The following C8orf34 variants were observed in gnomAD, a reference collection of about 807,000 sequenced individuals.
The protein encoded by C8orf34 is uncharacterized protein C8orf34.
Under a neutral mutation model 68.3 loss-of-function variants are expected in C8orf34, and 65 were observed. That is an observed-to-expected ratio of 0.95 (90% CI 0.78 to 1.17). The LOEUF is 1.17. C8orf34 is among the 50% of genes most tolerant of loss of function. The pLI is 0.00. For synonymous variants in C8orf34, 244 were observed against 241.2 expected (o/e 1.01, Z -0.11); for missense variants, 664 against 655.4 (o/e 1.01, Z -0.14).
chr8:68,673,670 G>T (rs553414157), intron 8 of C8orf34, among the ~76,000 whole-genome samples: 1 of 152,132 alleles, frequency 6.6e-6, no homozygotes, highest in Admixed American at 6.6e-5. Context: ...CTGGCTCCTA[G>T]AAAACATCTG....
intron 7 of C8orf34, among the ~76,000 whole-genome samples, chr8:68,630,179 T>C (rs1037049976): frequency 6.6e-6 from 1 of 152,016 alleles, no homozygotes; most frequent in Non-Finnish European, 1.5e-5. Flanking sequence ...AATTGAAATA[T>C]AATTGAAACA....
At chr8:68,403,671 G>A (rs1809058923) in intron 1 of C8orf34, among the ~76,000 whole-genome samples, 1 of 152,124 alleles carries the variant, frequency 6.6e-6, no homozygotes. Context: ...TGCTGAGAAT[G>A]ATGGTTTCCA....
At chr8:68,647,383 G>A (rs898388426) in intron 8 of C8orf34, among the ~76,000 whole-genome samples, 1 of 152,136 alleles carries the variant, frequency 6.6e-6, no homozygotes, top group Non-Finnish European at 1.5e-5. Flanking sequence ...TGAAAAGCGT[G>A]GAGTTTCTGT....
chr8:68,779,482 C>A (rs1340728384), intron 11 of C8orf34, among the ~76,000 whole-genome samples: 2 of 152,098 alleles, frequency 1.3e-5, no homozygotes, highest in Non-Finnish European at 2.9e-5. Context: ...GGCAGCTTCA[C>A]AATCTCTTAG....
At chr8:68,709,766 A>G (rs142679099) in intron 9 of C8orf34, among the ~76,000 whole-genome samples, 325 of 152,228 alleles carry the variant, frequency 2.1e-3, no homozygotes, top group African/African-American at 7.4e-3. Flanking sequence ...TTTCTATAGT[A>G]TAAAATGGAA....
intron 1 of C8orf34, among the ~76,000 whole-genome samples, chr8:68,382,194 G>A (rs940246578): frequency 7.2e-5 from 11 of 152,132 alleles, no homozygotes; most frequent in African/African-American, 2.7e-4. Flanking sequence ...GGATAAATAC[G>A]TAGATCTGAT....
chr8:68,769,288 A>C (rs1350835910), intron 10 of C8orf34, among the ~76,000 whole-genome samples: 1 of 151,280 alleles, frequency 6.6e-6, no homozygotes, highest in Admixed American at 6.6e-5. Flanking sequence ...CTAAAGAAAA[A>C]TCTCTTAATT....
intron 7 of C8orf34, among the ~76,000 whole-genome samples, chr8:68,594,398 G>A (rs557017089): frequency 1.3e-5 from 2 of 151,844 alleles, no homozygotes; most frequent in South Asian, 2.1e-4. Flanking sequence ...TTCCTCTTAC[G>A]ATGTTTTTCT....
chr8:68,637,041 A>T (rs1818867658), intron 7 of C8orf34, among the ~76,000 whole-genome samples: 1 of 152,222 alleles, frequency 6.6e-6, no homozygotes, highest in African/African-American at 2.4e-5. Context: ...TCAAGCTGAC[A>T]TGTAGACTTT....
intron 10 of C8orf34, among the ~76,000 whole-genome samples, chr8:68,738,442 CA>C (rs1554604594): frequency 6.6e-6 from 1 of 151,768 alleles, no homozygotes; most frequent in Non-Finnish European, 1.5e-5. Flanking sequence ...CAAGAAATAA[CA>C]AAAATCAGAG....
intron 7 of C8orf34, among the ~76,000 whole-genome samples, chr8:68,602,106 C>A (rs764715317): frequency 6.6e-6 from 1 of 152,112 alleles, no homozygotes; most frequent in African/African-American, 2.4e-5. Flanking sequence ...ACTTTAAAAG[C>A]CTTGTTGCCA....
At chr8:68,428,089 C>T (rs1189439824) in intron 1 of C8orf34, among the ~76,000 whole-genome samples, 1 of 150,848 alleles carries the variant, frequency 6.6e-6, no homozygotes, top group Non-Finnish European at 1.5e-5. Flanking sequence ...AAAAAGGAAA[C>T]AAAAGAAAAT....
chr8:68,652,210 AC>A (rs1378192708), intron 8 of C8orf34, among the ~76,000 whole-genome samples: 2 of 152,188 alleles, frequency 1.3e-5, no homozygotes, highest in African/African-American at 4.8e-5. Flanking sequence ...CCATGTTGAT[AC>A]CTTCTTTGGA....
intron 7 of C8orf34, among the ~76,000 whole-genome samples, chr8:68,575,956 GTTTTTTT>G: frequency 1.0e-5 from 1 of 96,348 alleles, no homozygotes; most frequent in Admixed American, 1.2e-4. Context: ...GTAGATGGTT[GTTTTTTT>G]TTTTTTTTTT....
chr8:68,530,477 G>T, intron 6 of C8orf34: 1 of 292,798 alleles, frequency 3.4e-6, no homozygotes, highest in Non-Finnish European at 6.9e-6. Flanking sequence ...AGCTTAACAT[G>T]TTAGATCTAT....
At chr8:68,490,802 G>T (rs1485259468) in intron 5 of C8orf34, among the ~76,000 whole-genome samples, 3 of 152,036 alleles carry the variant, frequency 2.0e-5, no homozygotes, top group East Asian at 1.9e-4. Context: ...ACCATTCTTT[G>T]CCTGTCTGGC....
intron 1 of C8orf34, among the ~76,000 whole-genome samples, chr8:68,386,577 C>G (rs1378906714): frequency 6.6e-6 from 1 of 152,156 alleles, no homozygotes; most frequent in African/African-American, 2.4e-5. Flanking sequence ...TCTTCTATAA[C>G]CTCCTAAGTG....
chr8:68,497,702 T>A (rs1813585960), intron 5 of C8orf34, among the ~76,000 whole-genome samples: 1 of 152,024 alleles, frequency 6.6e-6, no homozygotes, highest in Admixed American at 6.6e-5. Flanking sequence ...TCTCTATGGA[T>A]TAAGGAATGA....
chr8:68,686,184 T>C (rs770676386), intron 8 of C8orf34, among the ~76,000 whole-genome samples: 13 of 151,930 alleles, frequency 8.6e-5, no homozygotes, highest in Non-Finnish European at 1.6e-4. Context: ...ACCAGATGGA[T>C]TCACGGCTGA....
Sources: allele counts gnomAD v4.1 joint callset (sites outside exome capture counted in the v4.1 genomes callset), GRCh38; gene constraint gnomAD v4.1.1; transcripts MANE v1.5; gene names NCBI Gene and HGNC (gene_info 2026-07-23, HGNC 2026-07-21).